The following LRRC7 variants were observed in gnomAD, a reference collection of about 807,000 sequenced individuals.
LRRC7 encodes leucine rich repeat containing 7.
LRRC7 carries 23 observed loss-of-function variants against 175.7 expected under a neutral mutation model. The ratio of observed to expected loss-of-function variants is 0.13; its 90% CI spans 0.09 to 0.19. The LOEUF (loss-of-function observed/expected upper bound fraction) is 0.19, where lower values mean the gene tolerates loss of function less well. LRRC7 is among the 10% of genes least tolerant of loss of function. LRRC7 has a pLI of 1.00. For missense variants in LRRC7, 1,354 were observed against 1,904.7 expected, an observed-to-expected ratio of 0.71 and a Z score of 5.38; for synonymous variants, 685 against 680.9, an observed-to-expected ratio of 1.01 and a Z score of -0.09.
chr1:69,970,639 G>T (rs996886768), intron 8 of LRRC7, among the ~76,000 whole-genome samples: 78 of 152,004 alleles, frequency 5.1e-4, no homozygotes, highest in African/African-American at 1.8e-3. Context: ...GTTAATGAAA[G>T]AATTACCAAC....
intron 1 of LRRC7, 131 bp from the exon 2 acceptor site, chr1:69,678,250 C>T: frequency 1.6e-6 from 1 of 637,032 alleles, no homozygotes; most frequent in Non-Finnish European, 2.8e-6. Flanking sequence ...TGCCAGCTTG[C>T]TCCTTGCCGG....
chr1:69,826,967 T>G (rs1057154411), intron 5 of LRRC7, among the ~76,000 whole-genome samples: 1 of 152,066 alleles, frequency 6.6e-6, no homozygotes, highest in African/African-American at 2.4e-5. Context: ...GAGATCTTTA[T>G]AGTGAATGGT....
chr1:69,702,725 A>G (rs1286045726), intron 2 of LRRC7, among the ~76,000 whole-genome samples: 1 of 152,114 alleles, frequency 6.6e-6, no homozygotes, highest in African/African-American at 2.4e-5. Flanking sequence ...ACAAATATAA[A>G]TGATGGAAAA....
rs539757703 is a variant in LRRC7, at chr1:69,616,228, G to T, written c.2+47587G>T. 7.2e-5 allele frequency among the ~76,000 whole-genome samples: 11 copies of T among 151,968 alleles called. No homozygotes were observed. The East Asian group carries it at 1.7e-3, about 24-fold the overall frequency. On this transcript the variant is annotated intron_variant, in intron 1 of 26. Coordinates refer to ENST00000651989, the MANE Select transcript of LRRC7 (RefSeq NM_001370785.2). The stretch of plus-strand genomic sequence containing the variant: ...ATAAAATTTAATGTCAATTTTAAAC[G>T]TCTGGGAAGTTAATTTTTCATTGGT...
intron 7 of LRRC7, among the ~76,000 whole-genome samples, chr1:69,906,132 G>A (rs1352758239): frequency 6.6e-6 from 1 of 152,100 alleles, no homozygotes; most frequent in East Asian, 1.9e-4. Context: ...AAATTTGTGT[G>A]AGTTCATTGT....
chr1:69,663,499 AT>A (rs1383939790), intron 1 of LRRC7, among the ~76,000 whole-genome samples: 1 of 151,980 alleles, frequency 6.6e-6, no homozygotes, highest in Non-Finnish European at 1.5e-5. Flanking sequence ...GCTTTTAGTT[AT>A]TTTTTAATTG....
At chr1:69,803,533 A>G (rs868853905) in intron 4 of LRRC7, among the ~76,000 whole-genome samples, 1 of 151,276 alleles carries the variant, frequency 6.6e-6, no homozygotes, top group East Asian at 1.9e-4. Context: ...TAAGAAATGC[A>G]TTTTCTAATT....
At chr1:70,117,746 A>G (rs1188424648) in intron 26 of LRRC7, among the ~76,000 whole-genome samples, 2 of 152,082 alleles carry the variant, frequency 1.3e-5, no homozygotes, top group Non-Finnish European at 2.9e-5. Flanking sequence ...TGGTAACTTC[A>G]TTTCAACTTA....
intron 11 of LRRC7, among the ~76,000 whole-genome samples, chr1:69,998,110 G>A (rs1655178187): frequency 6.6e-6 from 1 of 152,238 alleles, no homozygotes; most frequent in South Asian, 2.1e-4. Context: ...ATTCTCAAGA[G>A]GGGAAAGCCT....
chr1:69,861,954 T>A (rs1009222761), intron 7 of LRRC7, among the ~76,000 whole-genome samples: 1 of 152,124 alleles, frequency 6.6e-6, no homozygotes, highest in Non-Finnish European at 1.5e-5. Context: ...AAAAACAGGG[T>A]AAGTTTATCA....
chr1:69,687,043 G>A (rs575035573), intron 2 of LRRC7, among the ~76,000 whole-genome samples: 1 of 152,232 alleles, frequency 6.6e-6, no homozygotes, highest in South Asian at 2.1e-4. Flanking sequence ...TAATAATCAT[G>A]AAATTGTATG....
At chr1:69,874,151 G>C (rs1483957623) in intron 7 of LRRC7, 1 of 152,036 alleles carries the variant, frequency 6.6e-6, no homozygotes, top group Non-Finnish European at 1.5e-5. Context: ...ATTTAATGTG[G>C]AACAGTTATT....
At chr1:69,717,853 G>GAAAGGAAAGAAAGAAAGAAAGGAAA (rs1309359434) in intron 2 of LRRC7, among the ~76,000 whole-genome samples, 1 of 15,628 alleles carries the variant, frequency 6.4e-5, no homozygotes. Context: ...AAGAAAGAAA[G>GAAAGGAAAGAAAGAAAGAAAGGAAA]GAAAGAAAGA....
At chr1:69,753,564 A>G (rs1252461346) in intron 2 of LRRC7, among the ~76,000 whole-genome samples, 6 of 152,042 alleles carry the variant, frequency 3.9e-5, no homozygotes, top group Non-Finnish European at 4.4e-5. Context: ...TCTATTTCTC[A>G]TGAAAAAGCA....
intron 17 of LRRC7, among the ~76,000 whole-genome samples, chr1:70,027,583 C>T (rs1014926022): frequency 6.6e-6 from 1 of 151,928 alleles, no homozygotes; most frequent in African/African-American, 2.4e-5. Context: ...TAAAAACCAC[C>T]CTGAAGCATT....
chr1:70,100,900 C>T (rs754547195), intron 25 of LRRC7, among the ~76,000 whole-genome samples: 12 of 152,202 alleles, frequency 7.9e-5, no homozygotes, highest in Non-Finnish European at 1.8e-4. Context: ...TTATTCAAAG[C>T]GTAAAACTTG....
chr1:70,079,147 A>C (rs935380724), intron 24 of LRRC7, among the ~76,000 whole-genome samples: 2 of 152,160 alleles, frequency 1.3e-5, no homozygotes, highest in Non-Finnish European at 2.9e-5. Context: ...TTTATTCCAA[A>C]TTTAACCAGG....
chr1:69,587,045 A>G (rs934000241), intron 1 of LRRC7, among the ~76,000 whole-genome samples: 3 of 152,168 alleles, frequency 2.0e-5, no homozygotes, highest in African/African-American at 7.2e-5. Flanking sequence ...ACATGTTTGC[A>G]TATCTAGATA....
Position 69,720,774 on chromosome 1 carries a change from G to A in LRRC7, c.101-39417G>A, listed in dbSNP as rs144356755. Among the ~76,000 whole-genome samples the A allele has an allele frequency of 1.5e-4, 23 of 151,602 alleles. No homozygotes were observed. The East Asian group carries it at 3.9e-3, about 26-fold the overall frequency. On this transcript the variant is annotated intron_variant, in intron 2 of 26. Coordinates refer to ENST00000651989, the MANE Select transcript of LRRC7 (RefSeq NM_001370785.2). Reference sequence around the variant, plus strand: ...GTTAAGAACAGTCATTAATCTTATTGTTGCTCCTTTGATGCTTATTGGTTT... The same window carrying A: ...GTTAAGAACAGTCATTAATCTTATTATTGCTCCTTTGATGCTTATTGGTTT...
Sources: gnomAD v4.1 joint callset for allele counts (sites outside exome capture counted in the v4.1 genomes callset) on GRCh38, gnomAD v4.1.1 for gene constraint, MANE v1.5 for transcripts, NCBI Gene and HGNC (gene_info 2026-07-23, HGNC 2026-07-21) for gene names.